The following ACIN1 variants were observed in gnomAD, a reference collection of about 807,000 sequenced individuals.
ACIN1 encodes apoptotic chromatin condensation inducer in the nucleus.
In ACIN1, 16 loss-of-function variants were observed where a neutral mutation model predicts 146.6. The observed-to-expected ratio is 0.11, with a 90% CI of 0.07 to 0.17. ACIN1 has a LOEUF of 0.17. Ranked by LOEUF, ACIN1 falls within the 10% of genes least tolerant of loss-of-function variation. ACIN1 has a pLI of 1.00. For missense variants in ACIN1, 1,357 were observed against 1,609.3 expected, an observed-to-expected ratio of 0.84 and a Z score of 2.68; for synonymous variants, 569 against 582.7, an observed-to-expected ratio of 0.98 and a Z score of 0.34.
chr14:23,081,400 G>C (rs1461313285), intron 5 of ACIN1, among the ~76,000 whole-genome samples: 1 of 152,096 alleles, frequency 6.6e-6, no homozygotes, highest in Non-Finnish European at 1.5e-5. Flanking sequence ...AATCTAAAAG[G>C]CAGAGCAGAT....
At chr14:23,078,292 A>C in intron 7 of ACIN1, 26 bp from the exon 8 acceptor site, 1 of 1,602,714 alleles carries the variant, frequency 6.2e-7, no homozygotes, top group Non-Finnish European at 8.5e-7. Context: ...AAAAACGAAC[A>C]GAGCAAAACA....
In ACIN1 at chr14:23,068,495, G is replaced by A. The variant is rs2047525861; in HGVS notation, c.2265+981C>T. 1 of 985,858 alleles carries A rather than the reference G, an allele frequency of 1.0e-6. No homozygotes were observed. Among genetic ancestry groups the A allele is most frequent in the Non-Finnish European group, 1.2e-6 (1 of 829,952 alleles). 61.1% of individuals were successfully genotyped at this position (985,858 alleles called of 1,614,324 possible). ...GTAAGCAAGACAGGGAGGCAAAAGGGGGCCCATCACAGGAGCCCATATACA... is the reference window on the plus strand; with the variant it reads ...GTAAGCAAGACAGGGAGGCAAAAGGAGGCCCATCACAGGAGCCCATATACA... On this transcript the variant is annotated intron_variant, in intron 9 of 18. Transcript: ENST00000605057. This position sits in a 1 kb window ranked among gnomAD's most constrained non-coding sequence, Gnocchi z 4.3.
At chr14:23,093,808 A>C (rs763250860) in intron 1 of ACIN1, among the ~76,000 whole-genome samples, 1 of 152,224 alleles carries the variant, frequency 6.6e-6, no homozygotes, top group Non-Finnish European at 1.5e-5. Context: ...GCTATGTCAT[A>C]ATATCAGTAA....
intron 10 of ACIN1, among the ~76,000 whole-genome samples, chr14:23,065,756 T>A (rs541875763): frequency 6.6e-6 from 1 of 152,322 alleles, no homozygotes; most frequent in African/African-American, 2.4e-5. Context: ...CTCATTAAAA[T>A]GTGACTGGAG....
In ACIN1 at chr14:23,059,344, C is replaced by G; in HGVS notation, c.3656G>C (p.Arg1219Pro). The G allele has an allele frequency of 6.2e-7, 1 of 1,609,190 alleles. No individual in the cohort carries two copies. The highest frequency in any genetic ancestry group is 8.5e-7 in the Non-Finnish European group (1 of 1,175,552). Reference protein sequence around the residue: ...AERERNRQLEREKRREHSRER... With the variant: ...AERERNRQLEPEKRREHSRER... ...CCGACTGTGCTCCCGACGTTTCTCT[C>G]GCTCCAGCTGTCGGTTCCGTTCCCG... Residue 1219 changes from arginine (R) to proline (P), a missense_variant, in exon 19 of 19, where the codon CGA becomes CCA. This residue lies in a region of ACIN1 where 509 missense variants were observed against 719.6 expected (regional missense o/e 0.71). Transcript: ENST00000605057.
At chr14:23,084,957 C>T (rs903780658) in intron 4 of ACIN1, among the ~76,000 whole-genome samples, 1 of 151,840 alleles carries the variant, frequency 6.6e-6, no homozygotes, top group Non-Finnish European at 1.5e-5. Flanking sequence ...AAATGTTAGG[C>T]AAAGTTCCTT....
chr14:23,070,783 T>G, intron 8 of ACIN1, among the ~76,000 whole-genome samples: 1 of 150,986 alleles, frequency 6.6e-6, no homozygotes, highest in Non-Finnish European at 1.5e-5. Flanking sequence ...CACTCAGAGG[T>G]CAGAAGAACC....
chr14:23,094,725 C>T (rs967284118), intron 1 of ACIN1: 11 of 692,692 alleles, frequency 1.6e-5, no homozygotes, highest in Middle Eastern at 4.1e-4. Context: ...GAGGAAGGAG[C>T]TTAAGACACT....
rs1458766660 is a variant in ACIN1, at chr14:23,089,963, T to G, written c.436+19A>C. On this transcript the variant is annotated intron_variant, in intron 4 of 18. Coordinates refer to ENST00000605057, the MANE Select transcript of ACIN1 (RefSeq NM_001386863.1). Reference sequence around the variant, plus strand: ...ACGCAGGATTGACAAAACAGCGCAGTGGGGAGGGAGATACGTACTGGGCGA... The same window carrying G: ...ACGCAGGATTGACAAAACAGCGCAGGGGGGAGGGAGATACGTACTGGGCGA... 2 of 1,583,334 alleles carry G rather than the reference T, an allele frequency of 1.3e-6. No homozygotes were observed. The highest frequency in any genetic ancestry group is 8.6e-7 in the Non-Finnish European group (1 of 1,159,962).
chr14:23,071,038 C>T (rs375563528), intron 8 of ACIN1: 201 of 1,411,968 alleles, frequency 1.4e-4, no homozygotes, highest in East Asian at 3.0e-4. Context: ...AAACGAAAGA[C>T]GGAATGAAAG....
chr14:23,078,115 T>C (rs2047847099), intron 8 of ACIN1, 36 bp downstream of exon 8: 9 of 1,596,254 alleles, frequency 5.6e-6, no homozygotes, highest in Non-Finnish European at 6.9e-6. Context: ...ACACTCATAG[T>C]TCCCTGTTAT....
rs776587268 is a variant in ACIN1, at chr14:23,080,149, G to A, written c.1186C>T (p.Pro396Ser). ...PAPAVLIQLSPPNTDADTREL... is the reference protein window; with the variant it reads ...PAPAVLIQLSSPNTDADTREL... ...CTGGTGTCAGCATCTGTATTAGGAGGAGATAACTGAATGAGGACAGCGGGG... is the reference window on the plus strand; with the variant it reads ...CTGGTGTCAGCATCTGTATTAGGAGAAGATAACTGAATGAGGACAGCGGGG... The change falls in exon 6 of 19, where the codon CCT becomes TCT. Residue 396 changes from proline to serine, a missense_variant. Physicochemically the swap from Pro to Ser is moderately conservative, Grantham distance 74. Coordinates refer to ENST00000605057, the MANE Select transcript of ACIN1 (RefSeq NM_001386863.1). 4 of 1,614,150 alleles carry A rather than the reference G, an allele frequency of 2.5e-6. No homozygotes were observed. Among genetic ancestry groups the A allele is most frequent in the South Asian group, 1.1e-5 (1 of 91,064 alleles).
chr14:23,078,032 G>A (rs778943219), intron 8 of ACIN1, 119 bp downstream of exon 8: 1 of 863,586 alleles, frequency 1.2e-6, no homozygotes, highest in Middle Eastern at 2.3e-4. Context: ...TCCAGATAAA[G>A]CTCTGCCTTT....
rs115271260 is a variant in ACIN1, at chr14:23,060,920, A to C, written c.3525+164T>G. Among the ~76,000 whole-genome samples, 999 of 152,286 alleles carry C rather than the reference A, an allele frequency of 6.6e-3. 17 individuals carry two copies. The highest frequency in any genetic ancestry group is 0.023 in the African/African-American group (961 of 41,556). On this transcript the variant is annotated intron_variant, in intron 18 of 18. Transcript: ENST00000605057. ...TTACCCTCCTGAGTCTGGTTTCTCT[A>C]TGTTATACCAATTAACTGAAAACTG... is the stretch of plus-strand genomic sequence containing the variant.
chr14:23,095,437 A>C, upstream of ACIN1: 1 of 1,125,190 alleles, frequency 8.9e-7, no homozygotes, highest in Non-Finnish European at 1.2e-6. Context: ...ATGTTCGTTT[A>C]TTTCCGGACC....
chr14:23,059,908 G>A (rs189080982), intron 18 of ACIN1, among the ~76,000 whole-genome samples: 12 of 151,196 alleles, frequency 7.9e-5, no homozygotes, highest in Non-Finnish European at 1.5e-4. Flanking sequence ...GCCCGCCTCA[G>A]GCTCCCAAAG....
In ACIN1 at chr14:23,069,294, C is replaced by T. The variant is rs150367792; in HGVS notation, c.2265+182G>A. 32 of 1,303,808 alleles carry T rather than the reference C, an allele frequency of 2.5e-5. No individual in the cohort carries two copies. The East Asian group carries it at 3.3e-4, about 13-fold the overall frequency. 80.8% of individuals were successfully genotyped at this position (1,303,808 alleles called of 1,614,324 possible). A position where few individuals can be genotyped will look rare whatever the true frequency, so the allele number is the denominator to read the frequency against. On this transcript the variant is annotated intron_variant, in intron 9 of 18. Coordinates refer to ENST00000605057, the MANE Select transcript of ACIN1 (RefSeq NM_001386863.1). ...AAGGAAAATGAATGAGCCCTGTCCC[C>T]GTCACAAGGGGTCTCCCTTGCTAAA...
intron 8 of ACIN1, chr14:23,071,293 C>T (rs1167207312): frequency 6.7e-7 from 1 of 1,498,712 alleles, no homozygotes; most frequent in Non-Finnish European, 8.9e-7. Context: ...CCTCCCCAGC[C>T]ACCCGATCCA....
intron 18 of ACIN1, among the ~76,000 whole-genome samples, chr14:23,059,768 C>G (rs892384458): frequency 1.3e-5 from 2 of 151,740 alleles, no homozygotes; most frequent in Non-Finnish European, 2.9e-5. Flanking sequence ...ATTCTCCTGC[C>G]TCAGCCTGCT....
Sources: gnomAD v4.1 joint callset for allele counts (sites outside exome capture counted in the v4.1 genomes callset) on GRCh38, gnomAD v4.1.1 for gene constraint, gnomAD v4.1.1 regional missense constraint, Gnocchi (gnomAD v3.1) non-coding constraint, MANE v1.5 for transcripts, NCBI Gene and HGNC (gene_info 2026-07-23, HGNC 2026-07-21) for gene names.